The following GABRR1 variants were observed in gnomAD, a reference collection of about 807,000 sequenced individuals.
GABRR1 encodes the protein gamma-aminobutyric acid type A receptor subunit rho1.
In GABRR1, 59 loss-of-function variants were observed where a neutral mutation model predicts 55.5. The observed-to-expected ratio is 1.06, with a 90% CI of 0.86 to 1.32. The LOEUF is 1.32. GABRR1 is among the 40% of genes most tolerant of loss of function. The pLI, the probability that GABRR1 is intolerant of heterozygous loss-of-function variation, is 0.00. For synonymous variants in GABRR1, 213 were observed against 226.0 expected, an observed-to-expected ratio of 0.94 and a Z score of 0.51; for missense variants, 602 against 619.1, an observed-to-expected ratio of 0.97 and a Z score of 0.29.
chr6:89,207,429 A>C (rs547101313), intron 1 of GABRR1, among the ~76,000 whole-genome samples: 32 of 152,270 alleles, frequency 2.1e-4, no homozygotes, highest in African/African-American at 7.2e-4. Flanking sequence ...CCCTGAGCTC[A>C]AGCGATCTGC....
At chr6:89,200,422 T>G (rs1772430648) in intron 3 of GABRR1, among the ~76,000 whole-genome samples, 1 of 151,932 alleles carries the variant, frequency 6.6e-6, no homozygotes, top group Non-Finnish European at 1.5e-5. Flanking sequence ...CTAAATTTTG[T>G]ATTTTTAGTA....
In GABRR1 at chr6:89,230,263, C is replaced by T. The variant is rs1156673286; in HGVS notation, c.-411+953G>A. Among the ~76,000 whole-genome samples, 533 of 145,124 alleles carry T rather than the reference C, an allele frequency of 3.7e-3. 4 individuals are homozygous for T. The highest frequency in any genetic ancestry group is 0.013 in the African/African-American group (511 of 38,776). ...CATCTGAAGCCTTCTTCTCTCAGCT[C>T]GTCAAAGTCATTCTCCATCCAGCTT... On this transcript the variant is annotated intron_variant, in intron 1 of 11. Transcript: ENST00000369451.
At chr6:89,203,211 C>T (rs1772532562) in intron 2 of GABRR1, among the ~76,000 whole-genome samples, 2 of 152,168 alleles carry the variant, frequency 1.3e-5, no homozygotes, top group African/African-American at 4.8e-5. Flanking sequence ...AGGAGGAACA[C>T]CAGCTCCCAT....
chr6:89,223,760 A>T (rs1252445611), intron 1 of GABRR1, among the ~76,000 whole-genome samples: 12 of 130,522 alleles, frequency 9.2e-5, no homozygotes, highest in Admixed American at 2.3e-4. Flanking sequence ...GTGGTATTGC[A>T]TTGTGGGTTT....
At chr6:89,187,986 A>G (rs188840525) in intron 6 of GABRR1, among the ~76,000 whole-genome samples, 11 of 152,246 alleles carry the variant, frequency 7.2e-5, no homozygotes, top group East Asian at 3.9e-4. Context: ...TTATTTACCC[A>G]GAAATGGATT....
At chr6:89,196,826 A>AGAAAGAAAGAAG (rs1772295897) in intron 5 of GABRR1, among the ~76,000 whole-genome samples, 3 of 65,740 alleles carry the variant, frequency 4.6e-5, no homozygotes, top group Non-Finnish European at 1.0e-4. Context: ...AAAGAAGGAA[A>AGAAAGAAAGAAG]GAAAGAAAGA....
At chr6:89,208,099 G>A (rs1365117777) in intron 1 of GABRR1, among the ~76,000 whole-genome samples, 1 of 152,232 alleles carries the variant, frequency 6.6e-6, no homozygotes, top group Non-Finnish European at 1.5e-5. Flanking sequence ...GGCTGAAGGC[G>A]ATGCTACAAG....
intron 1 of GABRR1, among the ~76,000 whole-genome samples, chr6:89,225,758 A>G (rs1773191190): frequency 8.3e-6 from 1 of 120,498 alleles, no homozygotes; most frequent in Non-Finnish European, 1.8e-5. Context: ...AGCATGATTT[A>G]TAGTCATTTG....
chr6:89,192,471 G>A (rs937198575), intron 5 of GABRR1, among the ~76,000 whole-genome samples: 9 of 152,006 alleles, frequency 5.9e-5, no homozygotes, highest in East Asian at 1.9e-4. Flanking sequence ...GCCCACTCAC[G>A]GAATGCCCAC....
intron 1 of GABRR1, among the ~76,000 whole-genome samples, chr6:89,209,083 A>G (rs1451016830): frequency 6.6e-6 from 1 of 152,138 alleles, no homozygotes; most frequent in Admixed American, 6.5e-5. Flanking sequence ...TAAAAAGAAC[A>G]CATCAAGAAT....
chr6:89,221,568 G>GA (rs1438219583), upstream of GABRR1: 1 of 152,226 alleles, frequency 6.6e-6, no homozygotes, highest in Non-Finnish European at 1.5e-5. Context: ...GTATACAGGA[G>GA]AATGTGTGTA....
intron 7 of GABRR1, among the ~76,000 whole-genome samples, chr6:89,184,629 C>T (rs1363288702): frequency 6.6e-6 from 1 of 152,190 alleles, no homozygotes; most frequent in East Asian, 1.9e-4. Flanking sequence ...TTGAAAACAG[C>T]AGACCTGAAT....
intron 5 of GABRR1, among the ~76,000 whole-genome samples, chr6:89,196,344 G>A (rs1225751368): frequency 6.6e-6 from 1 of 152,076 alleles, no homozygotes; most frequent in African/African-American, 2.4e-5. Flanking sequence ...TTCCCCCCAG[G>A]TAACCAATTG....
intron 1 of GABRR1, among the ~76,000 whole-genome samples, chr6:89,226,635 G>T (rs1773207847): frequency 1.9e-5 from 2 of 104,034 alleles, no homozygotes; most frequent in African/African-American, 3.7e-5. Flanking sequence ...TCTCTGTTTT[G>T]GTACCAGTAC....
chr6:89,193,475 G>C (rs965683521), intron 5 of GABRR1, among the ~76,000 whole-genome samples: 1 of 152,064 alleles, frequency 6.6e-6, no homozygotes, highest in African/African-American at 2.4e-5. Flanking sequence ...CACAGGGAGG[G>C]AAAGGGGGTG....
chr6:89,225,103 T>C (rs1001622517), intron 1 of GABRR1, among the ~76,000 whole-genome samples: 4 of 152,218 alleles, frequency 2.6e-5, no homozygotes, highest in African/African-American at 9.6e-5. Context: ...TTTTACAGTT[T>C]CAGGTCTTAG....
intron 1 of GABRR1, 61 bp from the exon 2 acceptor site, chr6:89,203,546 A>T (rs1562304637): frequency 1.0e-5 from 12 of 1,190,584 alleles, no homozygotes; most frequent in Non-Finnish European, 1.4e-5. Context: ...AGATCAACCA[A>T]GCACCCCTCT....
At chr6:89,217,365 G>C (rs1166662387), upstream of GABRR1, 1 of 1,603,406 alleles carries the variant, frequency 6.2e-7, no homozygotes. Flanking sequence ...ACAGCAAAAA[G>C]GAAAAGATTG....
chr6:89,180,569 C>G, intron 8 of GABRR1, 81 bp from the exon 9 acceptor site: 1 of 1,490,772 alleles, frequency 6.7e-7, no homozygotes, highest in Admixed American at 1.9e-5. Context: ...GCTCATTTGT[C>G]CCTGCTGCTC....
Sources: gnomAD v4.1 joint callset for allele counts (sites outside exome capture counted in the v4.1 genomes callset) on GRCh38, gnomAD v4.1.1 for gene constraint, MANE v1.5 for transcripts, NCBI Gene and HGNC (gene_info 2026-07-23, HGNC 2026-07-21) for gene names.